ICA1: variants seen among roughly 807,000 people sequenced by gnomAD.
ICA1 encodes the protein islet cell autoantigen 1, also known as 69 kDa islet cell autoantigen.
ICA1 carries 40 observed loss-of-function variants against 71.0 expected under a neutral mutation model. The observed-to-expected ratio is 0.56, with a 90% confidence interval of 0.44 to 0.73. ICA1 has a LOEUF of 0.73. ICA1 is among the 30% of genes least tolerant of loss of function. The probability of loss-of-function intolerance (pLI) is 0.00; values close to 1 mark genes in which losing one functional copy is unlikely to be tolerated. For synonymous variants in ICA1, 207 were observed against 209.5 expected, an observed-to-expected ratio of 0.99 and a Z score of 0.10; for missense variants, 578 against 576.5, an observed-to-expected ratio of 1.00 and a Z score of -0.03.
At chr7:8,261,492 G>A (rs1342545508) in intron 1 of ICA1, among the ~76,000 whole-genome samples, 1 of 152,168 alleles carries the variant, frequency 6.6e-6, no homozygotes, top group Non-Finnish European at 1.5e-5. Context: ...TTCTCGCCCC[G>A]TCTAGTCCGA....
intron 6 of ICA1, among the ~76,000 whole-genome samples, chr7:8,172,699 T>A (rs1315947757): frequency 6.6e-6 from 1 of 152,202 alleles, no homozygotes; most frequent in Non-Finnish European, 1.5e-5. Flanking sequence ...AGTGATCAGT[T>A]CTAGATTTGG....
chr7:8,126,960 T>C (rs1043541736), intron 13 of ICA1, among the ~76,000 whole-genome samples: 12 of 149,802 alleles, frequency 8.0e-5, no homozygotes, highest in African/African-American at 2.5e-4. Flanking sequence ...CTTACTGATG[T>C]TGACAACCCC....
chr7:8,218,335 G>A lies in ICA1; in HGVS notation c.549C>T (p.Asp183=), dbSNP rs537806524. ...TGAACTTCTCCATTTGCTTGTAGAG[G>A]TCTGGATCAAGCTCCTGAGACACGT... is the stretch of plus-strand genomic sequence containing the variant. ...MKDVSQELDP[D]LYKQMEKFRK... is the part of the protein sequence containing the mutation. The change falls in exon 6 of 14, where the codon GAC becomes GAT. Residue 183 remains aspartate, a synonymous_variant. Coordinates refer to ENST00000402384, the MANE Select transcript of ICA1 (RefSeq NM_001136020.3). The A allele has an allele frequency of 8.7e-6, 14 of 1,614,080 alleles. No individual in the cohort carries two copies. In the African/African-American group the frequency reaches 1.7e-4, roughly 20 times the overall value.
chr7:8,182,410 ACATTTTAATTGCT>A (rs1239822084), intron 6 of ICA1, among the ~76,000 whole-genome samples: 1 of 152,210 alleles, frequency 6.6e-6, no homozygotes, highest in East Asian at 1.9e-4. Flanking sequence ...AGTGCCTAAC[ACATTTTAATTGCT>A]CAATAAATAC....
intron 13 of ICA1, among the ~76,000 whole-genome samples, chr7:8,119,728 C>T (rs1026048694): frequency 2.0e-5 from 3 of 152,110 alleles, no homozygotes; most frequent in Non-Finnish European, 4.4e-5. Flanking sequence ...CACCTGTAAT[C>T]CTAGCTACTC....
chr7:8,123,501 G>A lies in ICA1; in HGVS notation c.1330+4372C>T, dbSNP rs1376171248. Among the ~76,000 whole-genome samples, 1 of 152,216 alleles carries A rather than the reference G, an allele frequency of 6.6e-6. No individual in the cohort carries two copies. The highest frequency in any genetic ancestry group is 1.5e-5 in the Non-Finnish European group (1 of 68,032). ...GGACTCGGTGCCCCAGTCTCTCACG[G>A]AGAGCCAGGAAAACCTGAGATGCAG... is the stretch of plus-strand genomic sequence containing the variant. On this transcript the variant is annotated intron_variant, in intron 13 of 13. Transcript: ENST00000402384. This position sits in a 1 kb window ranked among gnomAD's most constrained non-coding sequence, Gnocchi z 4.1.
At chr7:8,186,952 T>C (rs1003218889) in intron 6 of ICA1, among the ~76,000 whole-genome samples, 6 of 152,232 alleles carry the variant, frequency 3.9e-5, no homozygotes, top group Non-Finnish European at 5.9e-5. Flanking sequence ...TATCAAACAC[T>C]TAAAATTGGG....
chr7:8,160,042 A>G (rs1803172732), intron 6 of ICA1, among the ~76,000 whole-genome samples: 1 of 152,200 alleles, frequency 6.6e-6, no homozygotes, highest in Admixed American at 6.6e-5. Context: ...TACGTTGTTC[A>G]TCATTATATT....
intron 1 of ICA1, among the ~76,000 whole-genome samples, chr7:8,259,591 A>G (rs1811512703): frequency 1.3e-5 from 2 of 152,248 alleles, no homozygotes; most frequent in South Asian, 4.1e-4. Context: ...AAGCGTGCAA[A>G]GCATTTTATA....
intron 1 of ICA1, among the ~76,000 whole-genome samples, chr7:8,247,262 G>C (rs947088696): frequency 6.6e-6 from 1 of 152,066 alleles, no homozygotes; most frequent in African/African-American, 2.4e-5. Flanking sequence ...GACCAGCCTT[G>C]TGAACACAGT....
At chr7:8,174,701 G>A (rs959073512) in intron 6 of ICA1, among the ~76,000 whole-genome samples, 12 of 145,202 alleles carry the variant, frequency 8.3e-5, no homozygotes, top group African/African-American at 2.5e-4. Flanking sequence ...AGGCTGAGGC[G>A]GGAGGATCAC....
chr7:8,237,456 G>A (rs1802210477), intron 1 of ICA1, among the ~76,000 whole-genome samples: 1 of 152,196 alleles, frequency 6.6e-6, no homozygotes, highest in Non-Finnish European at 1.5e-5. Context: ...TTTTTATTAT[G>A]GTAAAAAAGT....
intron 6 of ICA1, among the ~76,000 whole-genome samples, chr7:8,210,806 C>G (rs765064213): frequency 3.9e-4 from 59 of 152,232 alleles, no homozygotes; most frequent in Non-Finnish European, 7.1e-4. Flanking sequence ...TCTCTGCCAC[C>G]CAGGCTCAAG....
At chr7:8,128,699 G>C (rs150878557) in intron 12 of ICA1, among the ~76,000 whole-genome samples, 2 of 152,286 alleles carry the variant, frequency 1.3e-5, no homozygotes, top group East Asian at 3.9e-4. Context: ...CCACTTTGCT[G>C]AAACTCCATT....
In ICA1 at chr7:8,141,937, A is replaced by G. The variant is rs771105787; in HGVS notation, c.903-120T>C. Reference sequence around the variant, plus strand: ...ACAAACACATACACCACACACACGCACACGAAGAAGGGTCAACATATAGTC... The same window carrying G: ...ACAAACACATACACCACACACACGCGCACGAAGAAGGGTCAACATATAGTC... On this transcript the variant is annotated intron_variant, in intron 9 of 13. Transcript: ENST00000402384. 1.0e-5 allele frequency: 11 copies of G among 1,103,646 alleles called. No homozygotes were observed. In the Admixed American group the frequency reaches 1.7e-4, roughly 17 times the overall value. 68.4% of individuals were successfully genotyped at this position (1,103,646 alleles called of 1,614,324 possible).
chr7:8,113,789 G>C lies in ICA1; in HGVS notation c.*134C>G. The C allele has an allele frequency of 1.1e-6, 1 of 881,472 alleles. No individual in the cohort carries two copies. Among genetic ancestry groups the C allele is most frequent in the Admixed American group, 2.2e-5 (1 of 45,220 alleles). 54.6% of individuals were successfully genotyped at this position (881,472 alleles called of 1,614,324 possible). ...GTAAATAATTATACCAATATAAACA[G>C]GGCCGTTGACCCTTTCATTTTATTA... On this transcript the variant is annotated 3_prime_UTR_variant, in exon 14 of 14. Coordinates refer to ENST00000402384, the MANE Select transcript of ICA1 (RefSeq NM_001136020.3). This position sits in a 1 kb window ranked among gnomAD's most constrained non-coding sequence, Gnocchi z 4.2.
At chr7:8,133,846 C>CTTTTT (rs57086182) in intron 12 of ICA1, among the ~76,000 whole-genome samples, 1 of 118,874 alleles carries the variant, frequency 8.4e-6, no homozygotes, top group African/African-American at 3.2e-5. Context: ...AAAAATCATA[C>CTTTTT]TTTTTTTTTT....
intron 1 of ICA1, among the ~76,000 whole-genome samples, chr7:8,246,681 T>C (rs1386211453): frequency 6.6e-6 from 1 of 152,152 alleles, no homozygotes; most frequent in Admixed American, 6.5e-5. Flanking sequence ...GAGAGAACAG[T>C]GGGGAAGGAC....
At chr7:8,257,503 G>C (rs1340158786) in intron 1 of ICA1, among the ~76,000 whole-genome samples, 1 of 152,060 alleles carries the variant, frequency 6.6e-6, no homozygotes, top group Non-Finnish European at 1.5e-5. Flanking sequence ...AGAACCAGAG[G>C]ACCTTTCTAG....
Sources: allele counts gnomAD v4.1 joint callset (sites outside exome capture counted in the v4.1 genomes callset), GRCh38; gene constraint gnomAD v4.1.1; non-coding constraint Gnocchi (gnomAD v3.1); transcripts MANE v1.5; gene names NCBI Gene and HGNC (gene_info 2026-07-23, HGNC 2026-07-21).